FAT1: variants seen among roughly 807,000 people sequenced by gnomAD.
FAT1 encodes the protein protocadherin Fat 1.
In FAT1, 171 loss-of-function variants were observed where a neutral mutation model predicts 329.8. That is an observed-to-expected ratio of 0.52 (90% confidence interval 0.46 to 0.59). The LOEUF (loss-of-function observed/expected upper bound fraction) is 0.59. FAT1 is among the 20% of genes least tolerant of loss of function. FAT1 has a pLI of 0.00. For missense variants in FAT1, 5,672 were observed against 5,774.4 expected (o/e 0.98, Z 0.57); for synonymous variants, 2,233 against 2,228.6 (o/e 1.00, Z -0.06).
Position 186,619,034 on chromosome 4 carries a change from C to G in FAT1, c.7552G>C (p.Asp2518His), listed in dbSNP as rs2126501472. The G allele has an allele frequency of 3.1e-6, 5 of 1,614,022 alleles. No homozygotes were observed. Among genetic ancestry groups the G allele is most frequent in the Non-Finnish European group, 3.4e-6 (4 of 1,179,904 alleles). ...TGACCATAAATACCAGAATCCCCAT[C>G]CGTAGTTTTCACCTCCATCACCAGG... ...HTLVMEVKTT[D>H]GDSGIYGHVT... Residue 2518 changes from aspartate (D) to histidine (H), a missense_variant, in exon 10 of 27, where the codon GAT (aspartate) becomes CAT (histidine). Coordinates refer to ENST00000441802, the MANE Select transcript of FAT1 (RefSeq NM_005245.4).
At position 186,707,227 on chromosome 4, in the gene FAT1, T is replaced by C. The variant is rs2126686754; in HGVS notation, c.2601A>G (p.Thr867=). Residue 867 remains threonine (T), a synonymous_variant, in exon 2 of 27, where the codon ACA becomes ACG. Coordinates refer to ENST00000441802, the MANE Select transcript of FAT1 (RefSeq NM_005245.4). ...CACCCGTCACGCTGTCAATTGAAAA[T>C]GTGTCTGTGTCTGTAACAATTGAGT... ...VTYSIVTDTD[T]FSIDSVTGVV... is the part of the protein sequence containing the mutation. 1 of 1,613,870 alleles carries C rather than the reference T, an allele frequency of 6.2e-7. No individual in the cohort carries two copies. Among genetic ancestry groups the C allele is most frequent in the Non-Finnish European group, 8.5e-7 (1 of 1,179,866 alleles).
At chr4:186,718,387 G>C (rs1226591928) in intron 1 of FAT1, among the ~76,000 whole-genome samples, 1 of 152,112 alleles carries the variant, frequency 6.6e-6, no homozygotes. Context: ...AAATAAGCTT[G>C]GCCAGACACG....
chr4:186,712,430 C>T (rs1471510458), intron 1 of FAT1, among the ~76,000 whole-genome samples: 3 of 152,128 alleles, frequency 2.0e-5, no homozygotes, highest in South Asian at 4.2e-4. Context: ...TATTTAATTC[C>T]TTTTACATAG....
chr4:186,707,983 A>G lies in FAT1; in HGVS notation c.1845T>C (p.Phe615=), dbSNP rs4862726. 57,017 of 1,613,898 alleles carry G rather than the reference A, an allele frequency of 0.035. 1,319 individuals are homozygous for G. Among genetic ancestry groups the G allele is most frequent in the Non-Finnish European group, 0.038 (44,844 of 1,179,856 alleles). ...QIEAGNELDF[F]SLNPNSGVLS... Reference sequence around the variant, plus strand: ...ATACCCCCGAGTTGGGGTTTAAACTAAAGAAATCCAGTTCATTTCCAGCTT... The same window carrying G: ...ATACCCCCGAGTTGGGGTTTAAACTGAAGAAATCCAGTTCATTTCCAGCTT... Residue 615 remains phenylalanine, a synonymous_variant, in exon 2 of 27, where the codon TTT becomes TTC. Transcript: ENST00000441802.
At chr4:186,679,981 A>G (rs372403250) in intron 2 of FAT1, among the ~76,000 whole-genome samples, 2 of 152,224 alleles carry the variant, frequency 1.3e-5, no homozygotes, top group Admixed American at 1.3e-4. Flanking sequence ...CAGGCCCAGT[A>G]AACTAACCTG....
intron 2 of FAT1, among the ~76,000 whole-genome samples, chr4:186,706,259 T>G (rs779661426): frequency 5.3e-5 from 8 of 152,210 alleles, no homozygotes; most frequent in Non-Finnish European, 8.8e-5. Flanking sequence ...ATGCTTTTGA[T>G]AATAGAGTTC....
At position 186,663,395 on chromosome 4, in the gene FAT1, C is replaced by T. The variant is rs753470701; in HGVS notation, c.3484G>A (p.Glu1162Lys). The change falls in exon 3 of 27, where the codon GAG becomes AAG. Residue 1162 changes from glutamate to lysine, a missense_variant. By Grantham distance (56) the Glu-to-Lys change is moderately conservative. This residue lies in a region of FAT1 where 3,966 missense variants were observed against 3,915.2 expected (regional missense o/e 1.01). Transcript: ENST00000441802. ...GAGCTCGAATCTGGATCAAATGCCT[C>T]GATCTGGACCACAGATACATCTTTA... Reference protein sequence around the residue: ...SPKDVSVVQIEAFDPDSSSND... With the variant: ...SPKDVSVVQIKAFDPDSSSND... 11 of 1,614,006 alleles carry T rather than the reference C, an allele frequency of 6.8e-6. No individual in the cohort carries two copies. The highest frequency in any genetic ancestry group is 2.2e-5 in the South Asian group (2 of 91,080).
intron 1 of FAT1, among the ~76,000 whole-genome samples, chr4:186,718,655 A>C (rs1745329805): frequency 6.6e-6 from 1 of 152,270 alleles, no homozygotes; most frequent in South Asian, 2.1e-4. Flanking sequence ...CGACAGAGCC[A>C]GACTCCGTCT....
chr4:186,711,607 C>T (rs1744956263), intron 1 of FAT1, among the ~76,000 whole-genome samples: 1 of 152,064 alleles, frequency 6.6e-6, no homozygotes, highest in Non-Finnish European at 1.5e-5. Flanking sequence ...AAGGGATTTA[C>T]AAACTAGAAA....
chr4:186,625,959 T>C (rs1261607773), intron 9 of FAT1, among the ~76,000 whole-genome samples: 1 of 151,894 alleles, frequency 6.6e-6, no homozygotes, highest in East Asian at 1.9e-4. Flanking sequence ...AATGAATGAA[T>C]GAATGAGGGA....
At chr4:186,679,989 C>G (rs1743137930) in intron 2 of FAT1, among the ~76,000 whole-genome samples, 2 of 152,132 alleles carry the variant, frequency 1.3e-5, no homozygotes, top group African/African-American at 4.8e-5. Context: ...GTAAACTAAC[C>G]TGTTTACTGC....
chr4:186,655,970 G>A (rs1741881179), intron 3 of FAT1, among the ~76,000 whole-genome samples: 1 of 152,252 alleles, frequency 6.6e-6, no homozygotes, highest in African/African-American at 2.4e-5. Context: ...TACCTGCAAA[G>A]GCAGTTTGGT....
intron 13 of FAT1, among the ~76,000 whole-genome samples, chr4:186,611,983 G>T (rs1392466069): frequency 6.6e-6 from 1 of 151,634 alleles, no homozygotes; most frequent in Non-Finnish European, 1.5e-5. Context: ...TGTAATTTTT[G>T]TATTTTTATT....
At chr4:186,669,184 C>T (rs889834893) in intron 2 of FAT1, among the ~76,000 whole-genome samples, 1 of 152,176 alleles carries the variant, frequency 6.6e-6, no homozygotes, top group African/African-American at 2.4e-5. Context: ...ACACAGCATG[C>T]GGCCAGAAGG....
intron 3 of FAT1, among the ~76,000 whole-genome samples, chr4:186,648,956 CTGGA>C (rs1741503831): frequency 6.6e-6 from 1 of 152,086 alleles, no homozygotes; most frequent in African/African-American, 2.4e-5. Flanking sequence ...ATAATTACTA[CTGGA>C]CATATTCTGG....
intron 2 of FAT1, among the ~76,000 whole-genome samples, chr4:186,673,537 G>A (rs1579428134): frequency 6.6e-6 from 1 of 152,122 alleles, no homozygotes; most frequent in Non-Finnish European, 1.5e-5. Context: ...GAGATCATAA[G>A]TCAATGACAA....
At chr4:186,693,693 G>A (rs1388749641) in intron 2 of FAT1, among the ~76,000 whole-genome samples, 1 of 152,088 alleles carries the variant, frequency 6.6e-6, no homozygotes, top group Non-Finnish European at 1.5e-5. Flanking sequence ...CCAAATGAGT[G>A]GAGGCTGTTC....
intron 3 of FAT1, among the ~76,000 whole-genome samples, chr4:186,654,285 G>C (rs953447498): frequency 1.3e-5 from 2 of 152,222 alleles, no homozygotes; most frequent in African/African-American, 4.8e-5. Context: ...GAAGCTGCTC[G>C]TAATAGATGA....
Position 186,591,719 on chromosome 4 carries a change from T to G in FAT1, c.13139-2499A>C, listed in dbSNP as rs148655843. On this transcript the variant is annotated intron_variant, in intron 26 of 26. Transcript: ENST00000441802. ...ATTTGCCCAGTGAAAACATGGTACT[T>G]CTTAGGAAAAGAAGTGTAGGCGTCA... 2.7e-3 allele frequency among the ~76,000 whole-genome samples: 406 copies of G among 152,320 alleles called. 5 individuals are homozygous for G. The highest frequency in any genetic ancestry group is 9.6e-3 in the African/African-American group (398 of 41,568).
Sources: gnomAD v4.1 joint callset for allele counts (sites outside exome capture counted in the v4.1 genomes callset) on GRCh38, gnomAD v4.1.1 for gene constraint, gnomAD v4.1.1 regional missense constraint, MANE v1.5 for transcripts, NCBI Gene and HGNC (gene_info 2026-07-23, HGNC 2026-07-21) for gene names.